FRMD4A: variants seen among roughly 807,000 people sequenced by gnomAD.
FRMD4A encodes the protein FERM domain-containing protein 4A.
A neutral mutation model predicts 129.1 loss-of-function variants in FRMD4A; 29 were observed. The ratio of observed to expected loss-of-function variants is 0.22; its 90% CI spans 0.17 to 0.31. FRMD4A has a LOEUF of 0.31. Among genes scored for constraint, FRMD4A ranks in the 10% least tolerant of loss-of-function variants. The pLI is 1.00. For missense variants in FRMD4A, 1,272 were observed against 1,375.8 expected, an observed-to-expected ratio of 0.92 and a Z score of 1.19; for synonymous variants, 634 against 571.6, an observed-to-expected ratio of 1.11 and a Z score of -1.56.
At chr10:14,248,662 A>G (rs972677969) in intron 2 of FRMD4A, among the ~76,000 whole-genome samples, 1 of 152,070 alleles carries the variant, frequency 6.6e-6, no homozygotes, top group Non-Finnish European at 1.5e-5. Flanking sequence ...TATTTACCTT[A>G]TTGCTTTTTA....
rs1163279216 is a variant in FRMD4A, at chr10:13,967,580, G to A, written c.46-108668C>T. Among the ~76,000 whole-genome samples, 4 of 152,176 alleles carry A rather than the reference G, an allele frequency of 2.6e-5. 1 individual carries two copies. Among genetic ancestry groups the A allele is most frequent in the African/African-American group, 7.2e-5 (3 of 41,442 alleles). ...AACAAAAACAAAAAGCAGCTAACAT[G>A]GATTGGTTGCCTCGGATGTGCCAAG... is the stretch of plus-strand genomic sequence containing the variant. On this transcript the variant is annotated intron_variant, in intron 2 of 24. Coordinates refer to ENST00000357447, the MANE Select transcript of FRMD4A (RefSeq NM_018027.5).
At chr10:13,959,918 T>G (rs550029132) in intron 2 of FRMD4A, among the ~76,000 whole-genome samples, 1 of 152,174 alleles carries the variant, frequency 6.6e-6, no homozygotes, top group South Asian at 2.1e-4. Flanking sequence ...GAACCGCAGG[T>G]TATTTGGCCC....
At chr10:14,237,406 C>T (rs932682434) in intron 2 of FRMD4A, among the ~76,000 whole-genome samples, 1 of 152,188 alleles carries the variant, frequency 6.6e-6, no homozygotes, top group South Asian at 2.1e-4. Context: ...TCTCAGCTCA[C>T]TGTAACCTCT....
chr10:13,659,584 G>T, intron 20 of FRMD4A, 94 bp from the exon 21 acceptor site: 1 of 1,294,794 alleles, frequency 7.7e-7, no homozygotes, highest in Non-Finnish European at 1.1e-6. Flanking sequence ...CAGCATGTGG[G>T]GAAAGCTCGC....
intron 2 of FRMD4A, among the ~76,000 whole-genome samples, chr10:14,148,073 TAAG>T (rs1386471225): frequency 6.6e-6 from 1 of 152,186 alleles, no homozygotes; most frequent in Non-Finnish European, 1.5e-5. Flanking sequence ...CTCATTCCCT[TAAG>T]AGGAAAACCC....
chr10:13,694,183 T>A (rs1456548736), intron 14 of FRMD4A, 144 bp from the exon 15 acceptor site: 1 of 576,066 alleles, frequency 1.7e-6, no homozygotes, highest in Non-Finnish European at 2.9e-6. Flanking sequence ...TTTGTTTGCA[T>A]CCCTTGGCCT....
intron 2 of FRMD4A, among the ~76,000 whole-genome samples, chr10:14,015,329 C>G (rs2095695746): frequency 7.1e-6 from 1 of 141,200 alleles, no homozygotes; most frequent in South Asian, 2.5e-4. Context: ...CCTCTTCTCT[C>G]CTTGCTTCCT....
chr10:13,935,204 T>C (rs1225662305), intron 2 of FRMD4A, among the ~76,000 whole-genome samples: 2 of 152,020 alleles, frequency 1.3e-5, no homozygotes, highest in Non-Finnish European at 2.9e-5. Context: ...TTTGGTAGGC[T>C]GAGCAGGCGG....
chr10:14,185,614 G>A (rs574308384), intron 2 of FRMD4A, among the ~76,000 whole-genome samples: 11 of 139,498 alleles, frequency 7.9e-5, no homozygotes, highest in East Asian at 2.1e-4. Context: ...GAGACAGAAA[G>A]GGGATATATA....
intron 2 of FRMD4A, among the ~76,000 whole-genome samples, chr10:14,125,881 G>GAACAA (rs1228159510): frequency 1.6e-3 from 247 of 150,120 alleles, no homozygotes; most frequent in Non-Finnish European, 2.5e-3. Flanking sequence ...AAACAAAACA[G>GAACAA]AACAAAACAA....
chr10:14,240,507 T>C (rs555140696), intron 2 of FRMD4A, among the ~76,000 whole-genome samples: 1 of 152,262 alleles, frequency 6.6e-6, no homozygotes, highest in African/African-American at 2.4e-5. Flanking sequence ...AACACTAGCA[T>C]GTTTAGTTCA....
intron 2 of FRMD4A, among the ~76,000 whole-genome samples, chr10:14,195,409 C>T (rs1236783575): frequency 2.0e-5 from 3 of 149,098 alleles, no homozygotes; most frequent in Non-Finnish European, 4.4e-5. Context: ...AGTAAATTGT[C>T]TCCCCTGTGT....
intron 2 of FRMD4A, among the ~76,000 whole-genome samples, chr10:13,954,923 T>A (rs1013548307): frequency 6.6e-6 from 1 of 152,156 alleles, no homozygotes; most frequent in Non-Finnish European, 1.5e-5. Flanking sequence ...CGGCACATTA[T>A]CTTTAAAAGC....
At chr10:14,253,525 C>T (rs1589231090) in intron 2 of FRMD4A, among the ~76,000 whole-genome samples, 1 of 152,164 alleles carries the variant, frequency 6.6e-6, no homozygotes, top group South Asian at 2.1e-4. Flanking sequence ...CTGTCCTGGA[C>T]AGATCGTTAT....
chr10:13,650,396 G>A (rs1192570894), intron 24 of FRMD4A, among the ~76,000 whole-genome samples: 2 of 152,002 alleles, frequency 1.3e-5, no homozygotes, highest in African/African-American at 2.4e-5. Flanking sequence ...CCCTGCATGT[G>A]CACATGTATG....
intron 2 of FRMD4A, among the ~76,000 whole-genome samples, chr10:13,922,599 G>C (rs1363183636): frequency 1.3e-5 from 2 of 152,168 alleles, no homozygotes; most frequent in Non-Finnish European, 1.5e-5. Flanking sequence ...CTCTCCTCCT[G>C]CTCAAACCTC....
intron 2 of FRMD4A, among the ~76,000 whole-genome samples, chr10:14,180,216 T>A (rs918242535): frequency 4.6e-5 from 7 of 152,230 alleles, no homozygotes; most frequent in African/African-American, 1.7e-4. Context: ...TACTCTTCAG[T>A]GTCATCTCAC....
intron 2 of FRMD4A, among the ~76,000 whole-genome samples, chr10:14,222,057 G>A (rs796182720): frequency 3.3e-5 from 5 of 152,266 alleles, no homozygotes; most frequent in African/African-American, 1.2e-4. Context: ...CCACTACCAC[G>A]TACATGCCAT....
Position 13,684,309 on chromosome 10 carries a change from GGAGT to G in FRMD4A, c.1118-9269_1118-9266del, listed in dbSNP as rs1466600385. On this transcript the variant is annotated intron_variant, in intron 15 of 24. Coordinates refer to ENST00000357447, the MANE Select transcript of FRMD4A (RefSeq NM_018027.5). ...TTCCCATCCAAGCAGAGAGAGAGATGGAGTTACTCACGCCAAGTCAGAAAGTCAT... is the reference window on the plus strand; with the variant it reads ...TTCCCATCCAAGCAGAGAGAGAGATGTACTCACGCCAAGTCAGAAAGTCAT... 8.5e-5 allele frequency: 84 copies of G among 984,540 alleles called. No individual in the cohort carries two copies. In the African/African-American group the frequency reaches 1.4e-3, roughly 17 times the overall value. The allele number at this position is 984,540 out of a possible 1,614,324, so 61.0% of individuals were successfully genotyped here. A position where few individuals can be genotyped will look rare whatever the true frequency, so the allele number is the denominator to read the frequency against.
Sources: allele counts gnomAD v4.1 joint callset (sites outside exome capture counted in the v4.1 genomes callset), GRCh38; gene constraint gnomAD v4.1.1; transcripts MANE v1.5; gene names NCBI Gene and HGNC (gene_info 2026-07-23, HGNC 2026-07-21).